Variants in LMBRD1 observed in about 807,000 individuals in gnomAD.
LMBRD1 encodes the protein lysosomal cobalamin transport escort protein LMBD1.
A neutral mutation model predicts 74.8 loss-of-function variants in LMBRD1; 64 were observed. The observed-to-expected ratio is 0.86, with a 90% CI of 0.70 to 1.05. The LOEUF (loss-of-function observed/expected upper bound fraction) is 1.05. LMBRD1 is among the 50% of genes least tolerant of loss of function. The pLI is 0.00. For missense variants in LMBRD1, 652 were observed against 645.9 expected (o/e 1.01, Z -0.10); for synonymous variants, 204 against 216.3 (o/e 0.94, Z 0.50).
At chr6:69,746,351 T>G (rs1265288641) in intron 5 of LMBRD1, 2 of 153,350 alleles carry the variant, frequency 1.3e-5, no homozygotes, top group Non-Finnish European at 2.9e-5. Flanking sequence ...CCTGGACAAC[T>G]GTGGCATCAT....
At chr6:69,758,371 A>C (rs1765310273) in intron 3 of LMBRD1, among the ~76,000 whole-genome samples, 1 of 152,162 alleles carries the variant, frequency 6.6e-6, no homozygotes, top group Non-Finnish European at 1.5e-5. Flanking sequence ...TTATCTATTT[A>C]CCCAGCTGAA....
intron 2 of LMBRD1, 94 bp from the exon 3 acceptor site, chr6:69,780,648 A>G: frequency 1.1e-6 from 1 of 883,608 alleles, no homozygotes; most frequent in South Asian, 1.3e-5. Context: ...ATCACTTCCA[A>G]AATCTATCCA....
At chr6:69,786,330 A>G (rs146870352) in intron 2 of LMBRD1, among the ~76,000 whole-genome samples, 164 of 152,356 alleles carry the variant, frequency 1.1e-3, no homozygotes, top group Non-Finnish European at 1.6e-3. Context: ...ATCTAATAAC[A>G]GTCCATAAAG....
At chr6:69,766,775 T>C (rs1765482536) in intron 3 of LMBRD1, among the ~76,000 whole-genome samples, 1 of 151,626 alleles carries the variant, frequency 6.6e-6, no homozygotes, top group South Asian at 2.1e-4. Flanking sequence ...TATTTAAATA[T>C]ATAATTGGTA....
chr6:69,759,014 A>T (rs1019471287), intron 3 of LMBRD1, among the ~76,000 whole-genome samples: 1 of 152,166 alleles, frequency 6.6e-6, no homozygotes, highest in Non-Finnish European at 1.5e-5. Flanking sequence ...CCTGGTAGAA[A>T]TCATACCTTC....
intron 1 of LMBRD1, among the ~76,000 whole-genome samples, chr6:69,795,255 CT>C (rs1766190777): frequency 6.6e-6 from 1 of 152,224 alleles, no homozygotes; most frequent in African/African-American, 2.4e-5. Context: ...TTTGTCCTTG[CT>C]GTAATATTGC....
At chr6:69,780,406 G>C in intron 3 of LMBRD1, 88 bp downstream of exon 3, 1 of 974,224 alleles carries the variant, frequency 1.0e-6, no homozygotes. Flanking sequence ...CGACCCAAGA[G>C]GAAGAACCTG....
intron 2 of LMBRD1, among the ~76,000 whole-genome samples, chr6:69,782,813 C>A (rs1204745098): frequency 6.6e-6 from 1 of 152,160 alleles, no homozygotes; most frequent in African/African-American, 2.4e-5. Context: ...CACTTGCTGA[C>A]CCTTGTCAGG....
intron 8 of LMBRD1, 120 bp downstream of exon 8, chr6:69,718,836 C>T: frequency 1.0e-6 from 1 of 1,003,556 alleles, no homozygotes; most frequent in South Asian, 1.3e-5. Context: ...ACCAGATATG[C>T]TGCAAAAAAT....
At chr6:69,678,394 T>C (rs922580247) in intron 14 of LMBRD1, among the ~76,000 whole-genome samples, 1 of 151,722 alleles carries the variant, frequency 6.6e-6, no homozygotes, top group Non-Finnish European at 1.5e-5. Flanking sequence ...GTGAAGGAAG[T>C]AGAATAGGAG....
At chr6:69,715,223 C>T (rs1167635177) in intron 8 of LMBRD1, among the ~76,000 whole-genome samples, 2 of 151,990 alleles carry the variant, frequency 1.3e-5, no homozygotes, top group Admixed American at 6.6e-5. Flanking sequence ...ATAACAATTT[C>T]CCCTAAAATT....
At chr6:69,754,120 T>A (rs1765223174) in intron 3 of LMBRD1, among the ~76,000 whole-genome samples, 1 of 149,824 alleles carries the variant, frequency 6.7e-6, no homozygotes, top group South Asian at 2.2e-4. Flanking sequence ...AGTAGGACGG[T>A]GGTTGTCAGA....
intron 5 of LMBRD1, among the ~76,000 whole-genome samples, chr6:69,743,509 C>CA (rs890715164): frequency 5.3e-5 from 8 of 152,124 alleles, no homozygotes; most frequent in Non-Finnish European, 7.4e-5. Flanking sequence ...CTTATATAAT[C>CA]AAAAAAACTA....
At chr6:69,677,422 C>T (rs149377753) in intron 14 of LMBRD1, among the ~76,000 whole-genome samples, 70 of 152,176 alleles carry the variant, frequency 4.6e-4, no homozygotes, top group Admixed American at 1.2e-3. Context: ...AGGTTTATGG[C>T]TGGCTTTGGA....
At chr6:69,769,263 T>G (rs1047596840) in intron 3 of LMBRD1, among the ~76,000 whole-genome samples, 1 of 152,184 alleles carries the variant, frequency 6.6e-6, no homozygotes, top group Non-Finnish European at 1.5e-5. Context: ...TTCTTTCTTC[T>G]GTCATGTCAA....
chr6:69,701,625 T>G, intron 10 of LMBRD1, 80 bp from the exon 11 acceptor site: 1 of 844,224 alleles, frequency 1.2e-6, no homozygotes, highest in South Asian at 1.5e-5. Flanking sequence ...AATTTAAGCA[T>G]GCAAATACAC....
At chr6:69,679,177 C>T (rs550452333) in intron 14 of LMBRD1, among the ~76,000 whole-genome samples, 1 of 152,206 alleles carries the variant, frequency 6.6e-6, no homozygotes, top group South Asian at 2.1e-4. Context: ...CCTTCAGAGT[C>T]TTTCTTCTCT....
intron 6 of LMBRD1, among the ~76,000 whole-genome samples, chr6:69,741,130 C>T (rs1767092260): frequency 6.6e-6 from 1 of 151,910 alleles, no homozygotes; most frequent in African/African-American, 2.4e-5. Flanking sequence ...CTAATATATC[C>T]AGTACATTTC....
chr6:69,790,366 A>C lies in LMBRD1; in HGVS notation c.176T>G (p.Ile59Ser), dbSNP rs754009538. Residue 59 changes from isoleucine to serine, a missense_variant, in exon 2 of 16, where the codon ATC becomes AGC. Transcript: ENST00000649934. Reference sequence around the variant, plus strand: ...ATCCACTGGTAGAAGTGCTGATGTGATAAGTGCAATTGCTAGAGAAAAAAT... The same window carrying C: ...ATCCACTGGTAGAAGTGCTGATGTGCTAAGTGCAATTGCTAGAGAAAAAAT... ...TAIFSLAIAL[I>S]TSALLPVDIF... is the part of the protein sequence containing the mutation. The C allele has an allele frequency of 1.2e-6, 2 of 1,613,764 alleles. No homozygotes were observed. The highest frequency in any genetic ancestry group is 4.5e-5 in the East Asian group (2 of 44,854).
Sources: allele counts gnomAD v4.1 joint callset (sites outside exome capture counted in the v4.1 genomes callset), GRCh38; gene constraint gnomAD v4.1.1; transcripts MANE v1.5; gene names NCBI Gene and HGNC (gene_info 2026-07-23, HGNC 2026-07-21).